The following CHRNA3 variants were observed in gnomAD, a reference collection of about 807,000 sequenced individuals.
The protein encoded by CHRNA3 is cholinergic receptor nicotinic alpha 3 subunit, also known as neuronal acetylcholine receptor subunit alpha-3.
In CHRNA3, 34 loss-of-function variants were observed where a neutral mutation model predicts 41.9. The observed-to-expected ratio is 0.81, with a 90% CI of 0.62 to 1.08. CHRNA3 has a LOEUF of 1.08. Ranked by LOEUF, CHRNA3 falls within the 50% of genes least tolerant of loss-of-function variation. CHRNA3 has a pLI of 0.00. For synonymous variants in CHRNA3, 281 were observed against 265.2 expected (o/e 1.06, Z -0.58); for missense variants, 542 against 638.3 (o/e 0.85, Z 1.63).
intron 5 of CHRNA3, among the ~76,000 whole-genome samples, chr15:78,597,643 A>G (rs2053134489): frequency 1.3e-5 from 2 of 151,880 alleles, no homozygotes; most frequent in South Asian, 4.1e-4. Context: ...TGCTGACAAT[A>G]AAGTAAAAGA....
rs1567075328 is a variant in CHRNA3, at chr15:78,601,250, T to C, written c.1389+3A>G. 1.9e-6 allele frequency: 3 copies of C among 1,612,078 alleles called. No individual in the cohort carries two copies. Among genetic ancestry groups the C allele is most frequent in the Admixed American group, 1.7e-5 (1 of 59,728 alleles). On this transcript the variant is annotated splice_donor_region_variant and intron_variant, in intron 5 of 5. Coordinates refer to ENST00000326828, the MANE Select transcript of CHRNA3 (RefSeq NM_000743.5). ...ACCAATGTAATAAAAGCCATATCCTTACCTCTTTGGCTTCATTTTGTGCTT... is the reference window on the plus strand; with the variant it reads ...ACCAATGTAATAAAAGCCATATCCTCACCTCTTTGGCTTCATTTTGTGCTT...
At chr15:78,620,684 C>T in intron 1 of CHRNA3, 29 bp downstream of exon 1, 1 of 1,502,428 alleles carries the variant, frequency 6.7e-7, no homozygotes. Flanking sequence ...GCGCCCGTCC[C>T]TCCGGAGCCC....
chr15:78,598,751 G>A (rs1223252707), intron 5 of CHRNA3, among the ~76,000 whole-genome samples: 1 of 152,010 alleles, frequency 6.6e-6, no homozygotes, highest in Non-Finnish European at 1.5e-5. Context: ...GGCCAGGCTG[G>A]TCTCAAACTC....
chr15:78,603,175 C>G (rs895864572), intron 4 of CHRNA3, among the ~76,000 whole-genome samples: 1 of 152,170 alleles, frequency 6.6e-6, no homozygotes, highest in Non-Finnish European at 1.5e-5. Context: ...CACAAACGCT[C>G]AGCTACTTTT....
intron 5 of CHRNA3, among the ~76,000 whole-genome samples, chr15:78,597,775 G>C (rs1388092424): frequency 6.6e-6 from 1 of 152,188 alleles, no homozygotes; most frequent in Non-Finnish European, 1.5e-5. Context: ...ATTGAATTGA[G>C]AGAACCCATG....
At position 78,618,515 on chromosome 15, in the gene CHRNA3, A is replaced by G. The variant is rs71581737; in HGVS notation, c.267+102T>C. On this transcript the variant is annotated intron_variant, in intron 3 of 5. Transcript: ENST00000326828. The stretch of plus-strand genomic sequence containing the variant: ...CAGTGGACCCCAATCTGGGTTCCAC[A>G]GAAGTAAATGAAGCCTGGTCTTTAG... 649 of 1,378,888 alleles carry G rather than the reference A, an allele frequency of 4.7e-4. 3 individuals carry two copies. The highest frequency in any genetic ancestry group is 2.0e-3 in the Middle Eastern group (8 of 4,056). The allele number at this position is 1,378,888 out of a possible 1,614,324, so 85.4% of individuals were successfully genotyped here. A position where few individuals can be genotyped will look rare whatever the true frequency, so the allele number is the denominator to read the frequency against.
At chr15:78,615,495 C>G (rs2053447250) in intron 4 of CHRNA3, among the ~76,000 whole-genome samples, 1 of 151,740 alleles carries the variant, frequency 6.6e-6, no homozygotes, top group African/African-American at 2.4e-5. Context: ...GGCCTCAGTC[C>G]TCATCTGTGA....
Position 78,612,944 on chromosome 15 carries a change from A to G in CHRNA3, c.377+4080T>C, listed in dbSNP as rs1413001120. On this transcript the variant is annotated intron_variant, in intron 4 of 5. Coordinates refer to ENST00000326828, the MANE Select transcript of CHRNA3 (RefSeq NM_000743.5). Reference sequence around the variant, plus strand: ...AGACACTTCTCAAAAGAAGACATTTATGCAGCCAAAAAACACATGAAAAAA... The same window carrying G: ...AGACACTTCTCAAAAGAAGACATTTGTGCAGCCAAAAAACACATGAAAAAA... Among the ~76,000 whole-genome samples, 528 of 152,224 alleles carry G rather than the reference A, an allele frequency of 3.5e-3. 1 individual carries two copies. The highest frequency in any genetic ancestry group is 0.012 in the African/African-American group (514 of 41,496).
intron 4 of CHRNA3, among the ~76,000 whole-genome samples, chr15:78,603,943 G>T (rs1002538411): frequency 1.3e-5 from 2 of 152,060 alleles, no homozygotes; most frequent in South Asian, 4.2e-4. Flanking sequence ...AGTGGACTCA[G>T]CCCATGTTTA....
At chr15:78,593,804 G>A (rs1441866306), downstream of CHRNA3, 1 of 152,262 alleles carries the variant, frequency 6.6e-6, no homozygotes, top group Non-Finnish European at 1.5e-5. Context: ...ACTTTGGGAG[G>A]TCGAGGTGGG....
At chr15:78,619,270 A>G (rs1429547231) in intron 1 of CHRNA3, 1 of 292,118 alleles carries the variant, frequency 3.4e-6, no homozygotes, top group Non-Finnish European at 6.5e-6. Flanking sequence ...CAAAATAAGG[A>G]TTATAAACGT....
chr15:78,609,316 G>C (rs1282849120), intron 4 of CHRNA3, among the ~76,000 whole-genome samples: 1 of 152,106 alleles, frequency 6.6e-6, no homozygotes, highest in Non-Finnish European at 1.5e-5. Context: ...AAATGTTAAG[G>C]GCAGCCAGAA....
chr15:78,600,241 A>T (rs2053177199), intron 5 of CHRNA3, among the ~76,000 whole-genome samples: 1 of 151,942 alleles, frequency 6.6e-6, no homozygotes, highest in Non-Finnish European at 1.5e-5. Context: ...CGCCTGGCTA[A>T]TTTTTGTATT....
intron 3 of CHRNA3, 46 bp from the exon 4 acceptor site, chr15:78,617,179 A>C (rs1166195722): frequency 3.6e-6 from 5 of 1,382,938 alleles, no homozygotes; most frequent in Non-Finnish European, 1.0e-6. Flanking sequence ...TAAAAGAATC[A>C]GCCTGGTTTT....
chr15:78,610,088 A>T (rs1276130501), intron 4 of CHRNA3, among the ~76,000 whole-genome samples: 2 of 152,208 alleles, frequency 1.3e-5, no homozygotes, highest in Non-Finnish European at 2.9e-5. Context: ...AAGTCCTTAG[A>T]GACCTACAAA....
Position 78,617,224 on chromosome 15 carries a change from C to T in CHRNA3, c.268-91G>A, listed in dbSNP as rs1030725625. Reference sequence around the variant, plus strand: ...GGCACCACCCATCTTGGTGACTCCCCACCCCTGCTGCATGTGACCGAACCA... The same window carrying T: ...GGCACCACCCATCTTGGTGACTCCCTACCCCTGCTGCATGTGACCGAACCA... On this transcript the variant is annotated intron_variant, in intron 3 of 5. Coordinates refer to ENST00000326828, the MANE Select transcript of CHRNA3 (RefSeq NM_000743.5). 2.6e-5 allele frequency: 20 copies of T among 763,920 alleles called. No individual in the cohort carries two copies. The Admixed American group carries it at 4.1e-4, about 16-fold the overall frequency. 47.3% of individuals were successfully genotyped at this position (763,920 alleles called of 1,614,324 possible).
Position 78,602,061 on chromosome 15 carries a change from G to A in CHRNA3, c.581C>T (p.Ser194Phe), listed in dbSNP as rs780385627. The change falls in exon 5 of 6, where the codon TCT (serine) becomes TTT (phenylalanine). Residue 194 changes from serine (S) to phenylalanine (F), a missense_variant. Ser to Phe is a radical substitution (Grantham distance 155). Coordinates refer to ENST00000326828, the MANE Select transcript of CHRNA3 (RefSeq NM_000743.5). ...KAKIDLVLIGSSMNLKDYWES... is the reference protein window; with the variant it reads ...KAKIDLVLIGFSMNLKDYWES... ...CCAATAGTCCTTGAGGTTCATGGAAGAGCCGATCAGGACCAGATCGATTTT... is the reference window on the plus strand; with the variant it reads ...CCAATAGTCCTTGAGGTTCATGGAAAAGCCGATCAGGACCAGATCGATTTT... The A allele has an allele frequency of 4.3e-6, 7 of 1,614,076 alleles. No individual in the cohort carries two copies. The highest frequency in any genetic ancestry group is 5.1e-6 in the Non-Finnish European group (6 of 1,180,022).
Position 78,617,138 on chromosome 15 carries a change from G to A in CHRNA3, c.268-5C>T, listed in dbSNP as rs3743074. The A allele has an allele frequency of 0.63, 998,853 of 1,587,198 alleles. 316,958 individuals are homozygous for A. Among genetic ancestry groups the A allele is most frequent in the Admixed American group, 0.81 (48,190 of 59,660 alleles). ...CAGCTTGTAGTCATTCCAGATCTCGGGGAAGGAAGCAGGGAGGGAGAAGGA... is the reference window on the plus strand; with the variant it reads ...CAGCTTGTAGTCATTCCAGATCTCGAGGAAGGAAGCAGGGAGGGAGAAGGA... On this transcript the variant is annotated splice_polypyrimidine_tract_variant and splice_region_variant and intron_variant, in intron 3 of 5. Transcript: ENST00000326828.
intron 3 of CHRNA3, 127 bp from the exon 4 acceptor site, chr15:78,617,260 A>G (rs1334655931): frequency 1.7e-5 from 11 of 644,614 alleles, no homozygotes; most frequent in Non-Finnish European, 2.8e-5. Context: ...CATCCATGCC[A>G]TGATCACATA....
Sources: gnomAD v4.1 joint callset for allele counts (sites outside exome capture counted in the v4.1 genomes callset) on GRCh38, gnomAD v4.1.1 for gene constraint, MANE v1.5 for transcripts, NCBI Gene and HGNC (gene_info 2026-07-23, HGNC 2026-07-21) for gene names.